Variants in NRXN1 observed in about 807,000 individuals in gnomAD.
NRXN1 encodes neurexin 1.
Under a neutral mutation model 150.9 loss-of-function variants are expected in NRXN1, and 39 were observed. The ratio of observed to expected loss-of-function variants is 0.26; its 90% CI spans 0.20 to 0.34. NRXN1 has a LOEUF of 0.34. Among genes scored for constraint, NRXN1 ranks in the 10% least tolerant of loss-of-function variants. The pLI is 1.00. For synonymous variants in NRXN1, 924 were observed against 757.0 expected (o/e 1.22, Z -3.62); for missense variants, 1,815 against 1,949.9 (o/e 0.93, Z 1.30).
At chr2:50,857,159 T>A (rs1675391518) in intron 5 of NRXN1, among the ~76,000 whole-genome samples, 1 of 152,144 alleles carries the variant, frequency 6.6e-6, no homozygotes, top group Non-Finnish European at 1.5e-5. Context: ...GTTGAGAGAT[T>A]ATTTTGATAC....
At chr2:50,810,287 G>A (rs1668035122) in intron 5 of NRXN1, among the ~76,000 whole-genome samples, 1 of 152,136 alleles carries the variant, frequency 6.6e-6, no homozygotes, top group African/African-American at 2.4e-5. Context: ...AAAAGCAATT[G>A]AAGGACTGGC....
At chr2:49,948,829 C>A (rs72834716) in intron 21 of NRXN1, among the ~76,000 whole-genome samples, 11 of 151,862 alleles carry the variant, frequency 7.2e-5, no homozygotes, top group African/African-American at 2.4e-4. Flanking sequence ...AGACAACCTG[C>A]TGAAAAAGAC....
At chr2:50,233,087 C>G (rs1001628852) in intron 18 of NRXN1, among the ~76,000 whole-genome samples, 5 of 152,102 alleles carry the variant, frequency 3.3e-5, no homozygotes, top group African/African-American at 2.4e-5. Flanking sequence ...AAGATCTACA[C>G]TCATCCTAAG....
chr2:50,060,235 G>A (rs1009272785), intron 19 of NRXN1, among the ~76,000 whole-genome samples: 4 of 152,152 alleles, frequency 2.6e-5, no homozygotes, highest in Non-Finnish European at 5.9e-5. Context: ...GTAAAACATG[G>A]AGTCAAAGGA....
chr2:50,527,900 G>T (rs1277551564), intron 12 of NRXN1, among the ~76,000 whole-genome samples: 1 of 152,092 alleles, frequency 6.6e-6, no homozygotes, highest in African/African-American at 2.4e-5. Flanking sequence ...GCAAAACCTG[G>T]AAAGAAAAAA....
rs181855739 is a variant in NRXN1 at position 50,920,589 on chromosome 2, C to T, written c.832+1280G>A. Among the ~76,000 whole-genome samples the T allele has an allele frequency of 7.1e-4, 108 of 151,818 alleles. 1 individual carries two copies. The highest frequency in any genetic ancestry group is 2.5e-3 in the African/African-American group (104 of 41,486). ...GTATATTCTTCCCTCTATGCCATCC[C>T]TAAGTCCACAAACTAAAGAACATGA... is the stretch of plus-strand genomic sequence containing the variant. On this transcript the variant is annotated intron_variant, in intron 5 of 22. Coordinates refer to ENST00000401669, the MANE Select transcript of NRXN1 (RefSeq NM_001330078.2).
intron 17 of NRXN1, among the ~76,000 whole-genome samples, chr2:50,421,197 G>T (rs1044142314): frequency 6.6e-6 from 1 of 151,894 alleles, no homozygotes; most frequent in African/African-American, 2.4e-5. Context: ...TTTCTACAAA[G>T]TTCAATATTG....
intron 5 of NRXN1, among the ~76,000 whole-genome samples, chr2:50,808,769 T>C (rs755277366): frequency 1.4e-4 from 22 of 152,228 alleles, no homozygotes; most frequent in Non-Finnish European, 1.3e-4. Context: ...TTTACTCAGG[T>C]AACTAAAATA....
chr2:50,697,062 C>T (rs1446343586), intron 5 of NRXN1, among the ~76,000 whole-genome samples: 3 of 151,960 alleles, frequency 2.0e-5, no homozygotes, highest in Non-Finnish European at 4.4e-5. Context: ...ACTGTACCAG[C>T]AATAAGACAA....
At chr2:50,056,750 T>A (rs6708181) in intron 19 of NRXN1, among the ~76,000 whole-genome samples, 91,891 of 151,918 alleles carry the variant, frequency 0.6, 28,159 homozygotes, top group Middle Eastern at 0.67. Context: ...GTTTTTGGCT[T>A]ATAAGTGATT....
intron 5 of NRXN1, among the ~76,000 whole-genome samples, chr2:50,884,801 C>A (rs1215659606): frequency 6.6e-6 from 1 of 150,856 alleles, no homozygotes; most frequent in Non-Finnish European, 1.5e-5. Flanking sequence ...TGGAGTTTAC[C>A]AGCTGAGAAC....
chr2:50,421,627 T>C lies in NRXN1; in HGVS notation c.3364+43815A>G, dbSNP rs182845895. On this transcript the variant is annotated intron_variant, in intron 17 of 22. Coordinates refer to ENST00000401669, the MANE Select transcript of NRXN1 (RefSeq NM_001330078.2). Reference sequence around the variant, plus strand: ...AATATAATTAGCAAGATTTAATTTATCTTTAAAACCACTGAACTATGTTGA... The same window carrying C: ...AATATAATTAGCAAGATTTAATTTACCTTTAAAACCACTGAACTATGTTGA... Among the ~76,000 whole-genome samples the C allele has an allele frequency of 4.3e-4, 66 of 152,264 alleles. 1 individual carries two copies. The highest frequency in any genetic ancestry group is 3.2e-3 in the Admixed American group (49 of 15,270).
intron 18 of NRXN1, among the ~76,000 whole-genome samples, chr2:50,212,299 C>CAA (rs10668763): frequency 0.083 from 9,006 of 108,180 alleles, 371 homozygotes; most frequent in African/African-American, 0.12. Context: ...TTTGAATTTG[C>CAA]AAAAAAAAAA....
At chr2:49,965,448 A>G (rs1676796773) in intron 21 of NRXN1, among the ~76,000 whole-genome samples, 1 of 150,220 alleles carries the variant, frequency 6.7e-6, no homozygotes, top group Non-Finnish European at 1.5e-5. Flanking sequence ...TTGTATTTTT[A>G]GTAGAGACGG....
intron 17 of NRXN1, among the ~76,000 whole-genome samples, chr2:50,379,759 A>G (rs984278785): frequency 3.3e-5 from 5 of 152,316 alleles, no homozygotes; most frequent in Admixed American, 2.6e-4. Context: ...GTAACTAAAC[A>G]ATAAACAGAA....
intron 8 of NRXN1, among the ~76,000 whole-genome samples, chr2:50,574,561 C>T (rs1357280805): frequency 1.3e-5 from 2 of 152,142 alleles, no homozygotes; most frequent in Non-Finnish European, 2.9e-5. Flanking sequence ...CAAACTCTAA[C>T]ATCACTTTGC....
At chr2:50,593,238 C>T (rs1385828153) in intron 8 of NRXN1, among the ~76,000 whole-genome samples, 1 of 152,176 alleles carries the variant, frequency 6.6e-6, no homozygotes, top group African/African-American at 2.4e-5. Flanking sequence ...TGTAAATGCA[C>T]AAGAATATGT....
rs761989381 is a variant in NRXN1, at chr2:50,719,364, A to T, written c.833-95749T>A. 6.8e-4 allele frequency among the ~76,000 whole-genome samples: 104 copies of T among 152,208 alleles called. 1 individual carries two copies. The highest frequency in any genetic ancestry group is 2.4e-4 in the Non-Finnish European group (16 of 68,010). On this transcript the variant is annotated intron_variant, in intron 5 of 22. Coordinates refer to ENST00000401669, the MANE Select transcript of NRXN1 (RefSeq NM_001330078.2). The stretch of plus-strand genomic sequence containing the variant: ...CAAGTATTTCTATTTCAAAATAAAT[A>T]TCTTATTTAAAATAAGTTTCGTTTT...
Position 50,506,589 on chromosome 2 carries a change from G to C in NRXN1, c.2403C>G (p.Gly801=). The C allele has an allele frequency of 6.2e-7, 1 of 1,613,314 alleles. No homozygotes were observed. The change falls in exon 13 of 23, where the codon GGC becomes GGG. Residue 801 remains glycine, a synonymous_variant. Transcript: ENST00000401669. ...GCCACTCGTTATCATTGAGGTTATA[G>C]CCAGCAAAAAGAGTCTCGGGACCTT... ...SSKGPETLFA[G]YNLNDNEWHT...
Sources: gnomAD v4.1 joint callset for allele counts (sites outside exome capture counted in the v4.1 genomes callset) on GRCh38, gnomAD v4.1.1 for gene constraint, MANE v1.5 for transcripts, NCBI Gene and HGNC (gene_info 2026-07-23, HGNC 2026-07-21) for gene names.